SEC14L1: variants seen among roughly 807,000 people sequenced by gnomAD.
SEC14L1 encodes the protein SEC14 like lipid binding 1.
A neutral mutation model predicts 85.3 loss-of-function variants in SEC14L1; 48 were observed. That is an observed-to-expected ratio of 0.56 (90% CI 0.45 to 0.72). The LOEUF is 0.72. Among genes scored for constraint, SEC14L1 ranks in the 30% least tolerant of loss-of-function variants. The probability of loss-of-function intolerance (pLI) is 0.00; values close to 1 mark genes in which losing one functional copy is unlikely to be tolerated. For missense variants in SEC14L1, 682 were observed against 921.4 expected (o/e 0.74, Z 3.36); for synonymous variants, 391 against 355.5 (o/e 1.10, Z -1.12).
chr17:77,119,722 C>G (rs1972252658), intron 3 of SEC14L1, among the ~76,000 whole-genome samples: 1 of 152,152 alleles, frequency 6.6e-6, no homozygotes. Flanking sequence ...TCAAACGGCC[C>G]TTACACTCCA....
chr17:77,211,819 C>T, intron 14 of SEC14L1, 131 bp from the exon 15 acceptor site: 2 of 1,133,892 alleles, frequency 1.8e-6, no homozygotes, highest in Non-Finnish European at 1.3e-6. Context: ...GAGATCCGTC[C>T]ATACGCATTC....
At chr17:77,096,369 C>T (rs142963589) in intron 3 of SEC14L1, among the ~76,000 whole-genome samples, 4,213 of 141,630 alleles carry the variant, frequency 0.03, no homozygotes, top group East Asian at 0.14. Context: ...CCAGCCTGGC[C>T]AACATGCTGA....
rs536832690 is a variant in SEC14L1, at chr17:77,121,722, C to T, written c.-135-20924C>T. On this transcript the variant is annotated intron_variant, in intron 3 of 19. Coordinates refer to the SEC14L1 transcript ENST00000392476. ...TATTCCCATTTTACAGATGAGGAAA[C>T]GGGCTCAGAATGGTTAAGGAGCCTG... Among the ~76,000 whole-genome samples, 8 of 152,206 alleles carry T rather than the reference C, an allele frequency of 5.3e-5. No homozygotes were observed. In the South Asian group the frequency reaches 6.2e-4, roughly 12 times the overall value.
chr17:77,134,022 G>T (rs1442882399), intron 3 of SEC14L1, among the ~76,000 whole-genome samples: 2 of 151,004 alleles, frequency 1.3e-5, no homozygotes, highest in African/African-American at 4.9e-5. Flanking sequence ...CGACTTTAAA[G>T]GGATCCTGTC....
intron 9 of SEC14L1, among the ~76,000 whole-genome samples, chr17:77,202,228 G>A (rs994655536): frequency 6.6e-6 from 1 of 152,138 alleles, no homozygotes; most frequent in African/African-American, 2.4e-5. Flanking sequence ...GCTCATGCCC[G>A]TAATCCCAGC....
At chr17:77,202,324 T>TA (rs544122033) in intron 9 of SEC14L1, among the ~76,000 whole-genome samples, 7 of 149,104 alleles carry the variant, frequency 4.7e-5, no homozygotes, top group Non-Finnish European at 7.5e-5. Flanking sequence ...TGTCTCTACT[T>TA]AAAAAAAAAG....
intron 3 of SEC14L1, among the ~76,000 whole-genome samples, chr17:77,187,731 A>G (rs1419965811): frequency 7.0e-6 from 1 of 142,594 alleles, no homozygotes; most frequent in African/African-American, 2.7e-5. Context: ...ACCATGGGCT[A>G]CTGGAATTTT....
chr17:77,123,744 AG>A (rs1475286063), intron 3 of SEC14L1, among the ~76,000 whole-genome samples: 1 of 151,950 alleles, frequency 6.6e-6, no homozygotes, highest in Non-Finnish European at 1.5e-5. Context: ...AGTCCCTGGC[AG>A]GGGGGATGTG....
At chr17:77,199,313 C>G (rs1386767002) in intron 8 of SEC14L1, 1 of 156,102 alleles carries the variant, frequency 6.4e-6, no homozygotes, top group Non-Finnish European at 1.4e-5. Flanking sequence ...CAGTGAAGAC[C>G]ATTTTTGTTC....
chr17:77,102,663 C>T (rs754340048), intron 3 of SEC14L1, among the ~76,000 whole-genome samples: 2 of 151,956 alleles, frequency 1.3e-5, no homozygotes, highest in Non-Finnish European at 2.9e-5. Flanking sequence ...GCCACCACAC[C>T]GAGCTAATTT....
chr17:77,206,943 T>G lies in SEC14L1; in HGVS notation c.1476+81T>G. 1 of 1,346,972 alleles carries G rather than the reference T, an allele frequency of 7.4e-7. No individual in the cohort carries two copies. The highest frequency in any genetic ancestry group is 9.9e-7 in the Non-Finnish European group (1 of 1,010,490). The allele number at this position is 1,346,972 out of a possible 1,614,324, so 83.4% of individuals were successfully genotyped here. Reference sequence around the variant, plus strand: ...CGGTGTCGATTTGCACAAATGATTTTCAGAACTTCCAGTTGTTTGGATGTT... The same window carrying G: ...CGGTGTCGATTTGCACAAATGATTTGCAGAACTTCCAGTTGTTTGGATGTT... On this transcript the variant is annotated intron_variant, in intron 13 of 16. Coordinates refer to ENST00000436233, the MANE Select transcript of SEC14L1 (RefSeq NM_001143998.2). This position sits in a 1 kb window ranked among gnomAD's most constrained non-coding sequence, Gnocchi z 4.3.
Position 77,205,922 on chromosome 17 carries a change from G to A in SEC14L1, c.1170-307G>A, listed in dbSNP as rs995935461. On this transcript the variant is annotated intron_variant, in intron 11 of 16. Transcript: ENST00000436233. ...TGATGGCAGGTTGGGGGGTGGTTTA[G>A]CACGTCGAGGACAGCACACTGTGGC... is the stretch of plus-strand genomic sequence containing the variant. Among the ~76,000 whole-genome samples the A allele has an allele frequency of 7.9e-5, 12 of 152,118 alleles. No homozygotes were observed. The South Asian group carries it at 1.0e-3, about 13-fold the overall frequency.
chr17:77,173,511 T>TA (rs1176340768), intron 3 of SEC14L1, among the ~76,000 whole-genome samples: 1 of 152,050 alleles, frequency 6.6e-6, no homozygotes, highest in Non-Finnish European at 1.5e-5. Context: ...GGCTTATTCT[T>TA]ACTGGCTTTG....
chr17:77,171,910 G>C (rs1974538405), intron 3 of SEC14L1, among the ~76,000 whole-genome samples: 1 of 152,106 alleles, frequency 6.6e-6, no homozygotes, highest in Non-Finnish European at 1.5e-5. Flanking sequence ...AGCAAATTTA[G>C]GGAGGGGAGG....
upstream of SEC14L1, among the ~76,000 whole-genome samples, chr17:77,140,450 C>T (rs930863683): frequency 2.6e-5 from 4 of 152,240 alleles, no homozygotes; most frequent in African/African-American, 9.6e-5. Flanking sequence ...CGCGAGCAGC[C>T]TGGTGCTCCT....
chr17:77,175,539 A>G (rs1262843251), intron 3 of SEC14L1, among the ~76,000 whole-genome samples: 1 of 152,170 alleles, frequency 6.6e-6, no homozygotes, highest in African/African-American at 2.4e-5. Flanking sequence ...TTATCCTATA[A>G]CCTTCACTGT....
intron 2 of SEC14L1, among the ~76,000 whole-genome samples, chr17:77,091,721 C>A (rs574689673): frequency 1.3e-5 from 2 of 152,164 alleles, no homozygotes; most frequent in African/African-American, 2.4e-5. Context: ...CTCTTCCTCC[C>A]GTCTTGGCTG....
intron 3 of SEC14L1, among the ~76,000 whole-genome samples, chr17:77,120,755 G>A (rs369714715): frequency 2.6e-5 from 4 of 152,162 alleles, no homozygotes; most frequent in East Asian, 3.8e-4. Context: ...AGGATTACAG[G>A]CGTGAGCCAC....
intron 3 of SEC14L1, among the ~76,000 whole-genome samples, chr17:77,111,702 C>T (rs974836037): frequency 2.0e-5 from 3 of 152,176 alleles, no homozygotes; most frequent in African/African-American, 4.8e-5. Flanking sequence ...CAATTTCTTC[C>T]GTGTAGAGTG....
Sources: gnomAD v4.1 joint callset for allele counts (sites outside exome capture counted in the v4.1 genomes callset) on GRCh38, gnomAD v4.1.1 for gene constraint, Gnocchi (gnomAD v3.1) non-coding constraint, MANE v1.5 for transcripts, NCBI Gene and HGNC (gene_info 2026-07-23, HGNC 2026-07-21) for gene names.